RMND5A: variants seen among roughly 807,000 people sequenced by gnomAD.
RMND5A encodes E3 ubiquitin-protein transferase RMND5A.
A neutral mutation model predicts 49.7 loss-of-function variants in RMND5A; 17 were observed. The ratio of observed to expected loss-of-function variants is 0.34; its 90% CI spans 0.23 to 0.51. RMND5A has a LOEUF of 0.51. RMND5A is among the 20% of genes least tolerant of loss of function. The probability of loss-of-function intolerance (pLI) is 0.96; values close to 1 mark genes in which losing one functional copy is unlikely to be tolerated. For synonymous variants in RMND5A, 156 were observed against 167.7 expected (o/e 0.93, Z 0.54); for missense variants, 255 against 471.3 (o/e 0.54, Z 4.25).
intron 5 of RMND5A, 58 bp downstream of exon 5, chr2:86,765,251 A>T: frequency 7.0e-7 from 1 of 1,427,058 alleles, no homozygotes; most frequent in South Asian, 1.3e-5. Flanking sequence ...CACCACTGTA[A>T]CTTAACAGTT....
chr2:86,754,889 A>C (rs190378445), intron 4 of RMND5A, among the ~76,000 whole-genome samples: 163 of 152,248 alleles, frequency 1.1e-3, no homozygotes, highest in Admixed American at 2.1e-3. Context: ...AATTTTGTGT[A>C]GTTCTAAAAC....
intron 3 of RMND5A, 51 bp downstream of exon 3, chr2:86,752,081 T>C: frequency 6.3e-7 from 1 of 1,590,106 alleles, no homozygotes; most frequent in East Asian, 2.2e-5. Flanking sequence ...GGGAACTCCT[T>C]GGAGTTTATA....
At chr2:86,747,196 A>G (rs1681552102) in intron 2 of RMND5A, among the ~76,000 whole-genome samples, 1 of 152,194 alleles carries the variant, frequency 6.6e-6, no homozygotes, top group Non-Finnish European at 1.5e-5. Flanking sequence ...CAGACTTCAA[A>G]TGTTTAAAGA....
chr2:86,761,765 A>G (rs1329284761), intron 4 of RMND5A, among the ~76,000 whole-genome samples: 1 of 152,180 alleles, frequency 6.6e-6, no homozygotes, highest in Non-Finnish European at 1.5e-5. Flanking sequence ...TCCTTTTTGT[A>G]AAGGTATCTA....
Position 86,765,033 on chromosome 2 carries a change from A to G in RMND5A, c.528A>G (p.Ala176=), listed in dbSNP as rs1672567489. The change falls in exon 5 of 9, where the codon GCA becomes GCG. Residue 176 remains alanine (A), a synonymous_variant. Transcript: ENST00000283632. ...TTTTTTGCCTTTTCTTTAGGTGGGC[A>G]GTGTCAAACCGGGAAATGCTTATAG... ...VRVLRPALEW[A]VSNREMLIAQ... 6.2e-7 allele frequency: 1 copy of G among 1,601,950 alleles called. No individual in the cohort carries two copies.
At chr2:86,747,325 T>C (rs559535059) in intron 2 of RMND5A, among the ~76,000 whole-genome samples, 1 of 152,372 alleles carries the variant, frequency 6.6e-6, no homozygotes, top group Admixed American at 6.5e-5. Flanking sequence ...GTGCATTTCA[T>C]GTTCTGTCCA....
chr2:86,769,530 G>C (rs889884924), intron 6 of RMND5A, among the ~76,000 whole-genome samples: 7 of 152,160 alleles, frequency 4.6e-5, no homozygotes, highest in African/African-American at 1.4e-4. Flanking sequence ...TACTGTATTT[G>C]GAAGAGTGTA....
At chr2:86,769,010 A>G (rs1210853146) in intron 6 of RMND5A, among the ~76,000 whole-genome samples, 2 of 152,206 alleles carry the variant, frequency 1.3e-5, no homozygotes, top group African/African-American at 4.8e-5. Context: ...CAGTGGCACG[A>G]TCGTGGCTCA....
chr2:86,720,491 G>A lies in RMND5A; in HGVS notation c.-177G>A, dbSNP rs1681177322. 7.0e-6 allele frequency: 2 copies of A among 285,356 alleles called. No homozygotes were observed. The highest frequency in any genetic ancestry group is 3.1e-4 in the South Asian group (2 of 6,518). 17.7% of individuals were successfully genotyped at this position (285,356 alleles called of 1,614,324 possible). A position where few individuals can be genotyped will look rare whatever the true frequency, so the allele number is the denominator to read the frequency against. On this transcript the variant is annotated 5_prime_UTR_variant, in exon 1 of 9. Coordinates refer to ENST00000283632, the MANE Select transcript of RMND5A (RefSeq NM_022780.4). The stretch of plus-strand genomic sequence containing the variant: ...GGCTAGGGCGCCATGGGGCAGGCGG[G>A]CTCCGGCTGCGCGGGGCTCCCCCGG...
intron 2 of RMND5A, among the ~76,000 whole-genome samples, chr2:86,743,116 C>T (rs1681478274): frequency 6.6e-6 from 1 of 152,180 alleles, no homozygotes; most frequent in Admixed American, 6.5e-5. Context: ...CTGAGCATCT[C>T]TTACTCCAGA....
intron 4 of RMND5A, among the ~76,000 whole-genome samples, chr2:86,762,812 G>A (rs1365341974): frequency 1.3e-5 from 2 of 150,640 alleles, no homozygotes; most frequent in Non-Finnish European, 3.0e-5. Context: ...AGGCCAAGGC[G>A]GGAGGATGGC....
Position 86,765,117 on chromosome 2 carries a change from G to A in RMND5A, c.612G>A (p.Met204Ile), listed in dbSNP as rs1345393197. The change falls in exon 5 of 9, where the codon ATG becomes ATA. Residue 204 changes from methionine (M) to isoleucine (I), a missense_variant. Met to Ile is a conservative substitution (Grantham distance 10, BLOSUM62 1). Transcript: ENST00000283632. ...GACTGTATTTTATTAGCTTGTTAATGGGTGGAACCACAAATCAGCGAGAGG... is the reference window on the plus strand; with the variant it reads ...GACTGTATTTTATTAGCTTGTTAATAGGTGGAACCACAAATCAGCGAGAGG... ...LHRLYFISLLMGGTTNQREAL... is the reference protein window; with the variant it reads ...LHRLYFISLLIGGTTNQREAL... The A allele has an allele frequency of 1.2e-6, 2 of 1,614,052 alleles. No homozygotes were observed. The highest frequency in any genetic ancestry group is 1.7e-6 in the Non-Finnish European group (2 of 1,179,974).
intron 2 of RMND5A, among the ~76,000 whole-genome samples, chr2:86,744,737 A>C (rs903369912): frequency 3.9e-5 from 6 of 152,010 alleles, no homozygotes; most frequent in Non-Finnish European, 8.8e-5. Flanking sequence ...GCTGGAGTGC[A>C]GTGACACCAT....
At position 86,769,791 on chromosome 2, in the gene RMND5A, T is replaced by G. The variant is rs755537174; in HGVS notation, c.855-232T>G. 1.2e-4 allele frequency among the ~76,000 whole-genome samples: 19 copies of G among 152,142 alleles called. 1 individual carries two copies. The highest frequency in any genetic ancestry group is 2.2e-4 in the Non-Finnish European group (15 of 68,042). On this transcript the variant is annotated intron_variant, in intron 6 of 8. Coordinates refer to ENST00000283632, the MANE Select transcript of RMND5A (RefSeq NM_022780.4). ...GTTTTGTTTTTTAACTGGGATTGGT[T>G]TTCAGTAACTTCAGGAAATATACCA...
chr2:86,720,479 T>A lies in RMND5A; in HGVS notation c.-189T>A, dbSNP rs975874321. ...GACTCGCCGGGGGGCTAGGGCGCCATGGGGCAGGCGGGCTCCGGCTGCGCG... is the reference window on the plus strand; with the variant it reads ...GACTCGCCGGGGGGCTAGGGCGCCAAGGGGCAGGCGGGCTCCGGCTGCGCG... On this transcript the variant is annotated 5_prime_UTR_variant, in exon 1 of 9. An upstream start codon of the reference 5' UTR is lost. Transcript: ENST00000283632. 24 of 248,560 alleles carry A rather than the reference T, an allele frequency of 9.7e-5. No homozygotes were observed. Among genetic ancestry groups the A allele is most frequent in the Admixed American group, 8.2e-4 (14 of 17,160 alleles). 15.4% of individuals were successfully genotyped at this position (248,560 alleles called of 1,614,324 possible).
intron 2 of RMND5A, among the ~76,000 whole-genome samples, chr2:86,746,347 T>C (rs1681537688): frequency 6.6e-6 from 1 of 152,232 alleles, no homozygotes. Context: ...GCAGAAGGTT[T>C]GGTGGCAACC....
intron 1 of RMND5A, among the ~76,000 whole-genome samples, chr2:86,732,476 A>T (rs916765732): frequency 2.8e-5 from 4 of 143,426 alleles, no homozygotes; most frequent in African/African-American, 8.4e-5. Context: ...TGGACACGAG[A>T]CGTGCTTTTT....
chr2:86,760,859 C>T (rs892718531), intron 4 of RMND5A, among the ~76,000 whole-genome samples: 3 of 152,008 alleles, frequency 2.0e-5, no homozygotes, highest in Admixed American at 6.6e-5. Flanking sequence ...ACTATAAAGA[C>T]GAGGGTAAAG....
chr2:86,741,817 C>A (rs1299323090), intron 2 of RMND5A, among the ~76,000 whole-genome samples: 7 of 149,318 alleles, frequency 4.7e-5, no homozygotes, highest in African/African-American at 1.5e-4. Context: ...TCTCTTCACA[C>A]ATCGTAAATG....
Sources: gnomAD v4.1 joint callset for allele counts (sites outside exome capture counted in the v4.1 genomes callset) on GRCh38, gnomAD v4.1.1 for gene constraint, MANE v1.5 for transcripts, NCBI Gene and HGNC (gene_info 2026-07-23, HGNC 2026-07-21) for gene names.